Variants in RNF144B observed in about 807,000 individuals in gnomAD.
The protein encoded by RNF144B is ring finger protein 144B, also known as E3 ubiquitin-protein ligase RNF144B.
In RNF144B, 25 loss-of-function variants were observed where a neutral mutation model predicts 40.2. The observed-to-expected ratio is 0.62, with a 90% CI of 0.45 to 0.87. RNF144B has a LOEUF of 0.87. RNF144B is among the 40% of genes least tolerant of loss of function. The probability of loss-of-function intolerance (pLI) is 0.00; values close to 1 mark genes in which losing one functional copy is unlikely to be tolerated. For synonymous variants in RNF144B, 145 were observed against 136.3 expected (o/e 1.06, Z -0.44); for missense variants, 365 against 373.7 (o/e 0.98, Z 0.19).
At chr6:18,396,595 C>A in intron 1 of RNF144B, 1 of 985,302 alleles carries the variant, frequency 1.0e-6, no homozygotes, top group East Asian at 1.1e-4. Flanking sequence ...TTTTCTCCTA[C>A]TCAGGAAGCA....
intron 3 of RNF144B, among the ~76,000 whole-genome samples, chr6:18,431,690 A>T (rs1264359907): frequency 6.6e-6 from 1 of 152,218 alleles, no homozygotes; most frequent in East Asian, 1.9e-4. Flanking sequence ...TCTTGCTGCT[A>T]TTTATATTAC....
chr6:18,422,932 A>G lies in RNF144B; in HGVS notation c.166-4649A>G, dbSNP rs932690899. The stretch of plus-strand genomic sequence containing the variant: ...TAATTGTGCCACTGCACCCTGGGCA[A>G]CAGAGCAAGACCCAGTCTCAAAAAA... On this transcript the variant is annotated intron_variant, in intron 2 of 7. Transcript: ENST00000259939. The surrounding 1 kb of genome is among the most constrained non-coding windows in gnomAD (Gnocchi z 4.7). Among the ~76,000 whole-genome samples the G allele has an allele frequency of 2.1e-5, 3 of 145,966 alleles. No individual in the cohort carries two copies. The highest frequency in any genetic ancestry group is 7.7e-5 in the African/African-American group (3 of 38,928).
At chr6:18,392,217 A>C (rs1329479372) in intron 1 of RNF144B, among the ~76,000 whole-genome samples, 1 of 152,130 alleles carries the variant, frequency 6.6e-6, no homozygotes, top group African/African-American at 2.4e-5. Context: ...CAAAAAAAAA[A>C]CGATGTGCCA....
chr6:18,466,971 T>A lies in RNF144B; in HGVS notation c.*1904T>A, dbSNP rs1759582980. The A allele has an allele frequency of 6.6e-6, 1 of 152,638 alleles. No individual in the cohort carries two copies. Among genetic ancestry groups the A allele is most frequent in the African/African-American group, 2.4e-5 (1 of 41,460 alleles). 9.5% of individuals were successfully genotyped at this position (152,638 alleles called of 1,614,324 possible). On this transcript the variant is annotated 3_prime_UTR_variant, in exon 8 of 8. Transcript: ENST00000259939. Reference sequence around the variant, plus strand: ...TTATTAGAAATTTCTCAATATTGTGTCTTTTTCTTTTGAAACTCTAAACAC... The same window carrying A: ...TTATTAGAAATTTCTCAATATTGTGACTTTTTCTTTTGAAACTCTAAACAC...
At chr6:18,440,682 A>T (rs1303286738) in intron 4 of RNF144B, among the ~76,000 whole-genome samples, 1 of 145,302 alleles carries the variant, frequency 6.9e-6, no homozygotes, top group Non-Finnish European at 1.5e-5. Context: ...CGTACAGAGC[A>T]TGAAGAGGGG....
intron 7 of RNF144B, 143 bp downstream of exon 7, chr6:18,463,523 G>T: frequency 1.6e-6 from 1 of 614,418 alleles, no homozygotes; most frequent in East Asian, 2.8e-5. Flanking sequence ...GGCAGGGCTA[G>T]GGAAAAGTAA....
intron 2 of RNF144B, among the ~76,000 whole-genome samples, chr6:18,415,687 G>T (rs932516635): frequency 6.6e-6 from 1 of 152,086 alleles, no homozygotes; most frequent in Non-Finnish European, 1.5e-5. Context: ...CCTTTGCATG[G>T]TGTAGTTTAA....
At position 18,447,300 on chromosome 6, in the gene RNF144B, G is replaced by A. The variant is rs931817408; in HGVS notation, c.331+7556G>A. 2.6e-5 allele frequency among the ~76,000 whole-genome samples: 4 copies of A among 152,134 alleles called. No homozygotes were observed. Among genetic ancestry groups the A allele is most frequent in the African/African-American group, 9.7e-5 (4 of 41,446 alleles). ...GTAAAGGTACCTACAAAGCCCCTGAGGCAAGAACAAGCCTGGTTTCTGTTT... is the reference window on the plus strand; with the variant it reads ...GTAAAGGTACCTACAAAGCCCCTGAAGCAAGAACAAGCCTGGTTTCTGTTT... On this transcript the variant is annotated intron_variant, in intron 4 of 7. Coordinates refer to ENST00000259939, the MANE Select transcript of RNF144B (RefSeq NM_182757.4). This position sits in a 1 kb window ranked among gnomAD's most constrained non-coding sequence, Gnocchi z 5.6.
intron 2 of RNF144B, among the ~76,000 whole-genome samples, chr6:18,417,914 A>G (rs560270890): frequency 6.6e-6 from 1 of 152,290 alleles, no homozygotes; most frequent in African/African-American, 2.4e-5. Flanking sequence ...TTACAAATAG[A>G]TGAAAGTATA....
chr6:18,426,026 G>A (rs757155592), intron 2 of RNF144B, among the ~76,000 whole-genome samples: 9 of 152,150 alleles, frequency 5.9e-5, no homozygotes, highest in Non-Finnish European at 8.8e-5. Flanking sequence ...GTTTTCTGAA[G>A]TAATATAATA....
chr6:18,442,554 A>G lies in RNF144B; in HGVS notation c.331+2810A>G, dbSNP rs73727438. Among the ~76,000 whole-genome samples the G allele has an allele frequency of 2.2e-3, 331 of 152,330 alleles. No individual in the cohort carries two copies. The highest frequency in any genetic ancestry group is 7.3e-3 in the African/African-American group (302 of 41,576). ...TACTTTTCTTTTTGTTATTAAACAT[A>G]TACCTAACATAAAAGTTGCCATTTA... is the stretch of plus-strand genomic sequence containing the variant. On this transcript the variant is annotated intron_variant, in intron 4 of 7. Coordinates refer to ENST00000259939, the MANE Select transcript of RNF144B (RefSeq NM_182757.4). The surrounding 1 kb of genome is among the most constrained non-coding windows in gnomAD (Gnocchi z 4.3).
intron 1 of RNF144B, 81 bp from the exon 2 acceptor site, chr6:18,399,418 A>G: frequency 2.0e-6 from 2 of 987,380 alleles, no homozygotes. Flanking sequence ...TGAGAATTTG[A>G]TCAGCTGGCC....
At chr6:18,431,094 T>C (rs949993599) in intron 3 of RNF144B, among the ~76,000 whole-genome samples, 1 of 151,814 alleles carries the variant, frequency 6.6e-6, no homozygotes. Context: ...ACAAAAAAAT[T>C]AGCCAGGCAT....
chr6:18,436,699 C>T (rs1370030382), intron 3 of RNF144B, among the ~76,000 whole-genome samples: 1 of 152,110 alleles, frequency 6.6e-6, no homozygotes, highest in African/African-American at 2.4e-5. Flanking sequence ...GTGTAGCAGT[C>T]AATTTTACAG....
Position 18,406,299 on chromosome 6 carries a change from G to A in RNF144B, c.165+6600G>A, listed in dbSNP as rs1426318748. ...ATGATCAGGGAAGTCTCAGTGATAA[G>A]GTGTTATTTGAGCAGAGACCTGAAG... On this transcript the variant is annotated intron_variant, in intron 2 of 7. Transcript: ENST00000259939. This position sits in a 1 kb window ranked among gnomAD's most constrained non-coding sequence, Gnocchi z 4.2. 2.0e-5 allele frequency among the ~76,000 whole-genome samples: 3 copies of A among 152,090 alleles called. No individual in the cohort carries two copies. Among genetic ancestry groups the A allele is most frequent in the Non-Finnish European group, 4.4e-5 (3 of 68,022 alleles).
chr6:18,415,405 A>G (rs1189549467), intron 2 of RNF144B, among the ~76,000 whole-genome samples: 1 of 152,128 alleles, frequency 6.6e-6, no homozygotes, highest in Non-Finnish European at 1.5e-5. Flanking sequence ...ATGGCGTCTT[A>G]CTGTTGCTTC....
rs201426092 is a variant in RNF144B at position 18,425,546 on chromosome 6, C to CTGG, written c.166-2033_166-2032insGTG. On this transcript the variant is annotated intron_variant, in intron 2 of 7. Coordinates refer to ENST00000259939, the MANE Select transcript of RNF144B (RefSeq NM_182757.4). The surrounding 1 kb of genome is among the most constrained non-coding windows in gnomAD (Gnocchi z 4.2). ...TGCTGCTGCTCTCTTCTATGTCCCA[C>CTGG]TGCTGCTGCTGCTGGATACCATGTT... 5.1e-3 allele frequency among the ~76,000 whole-genome samples: 768 copies of CTGG among 151,404 alleles called. 3 individuals carry two copies. The highest frequency in any genetic ancestry group is 0.017 in the Middle Eastern group (5 of 294).
Position 18,457,118 on chromosome 6 carries a change from C to A in RNF144B, c.332-37C>A. The A allele has an allele frequency of 6.9e-7, 1 of 1,446,662 alleles. No homozygotes were observed. The highest frequency in any genetic ancestry group is 1.1e-5 in the South Asian group (1 of 87,718). 89.6% of individuals were successfully genotyped at this position (1,446,662 alleles called of 1,614,324 possible). On this transcript the variant is annotated intron_variant, in intron 4 of 7. Transcript: ENST00000259939. The surrounding 1 kb of genome is among the most constrained non-coding windows in gnomAD (Gnocchi z 5.1). ...AGGTGAGAAAGACTCAAACATGAAT[C>A]GGGCAGACCATCACATTTTCTTTCT...
chr6:18,388,760 T>G (rs1164682738), intron 1 of RNF144B, among the ~76,000 whole-genome samples: 1 of 152,132 alleles, frequency 6.6e-6, no homozygotes, highest in Non-Finnish European at 1.5e-5. Context: ...TCCAAGGTCA[T>G]GGTTTCACAC....
Sources: gnomAD v4.1 joint callset for allele counts (sites outside exome capture counted in the v4.1 genomes callset) on GRCh38, gnomAD v4.1.1 for gene constraint, Gnocchi (gnomAD v3.1) non-coding constraint, MANE v1.5 for transcripts, NCBI Gene and HGNC (gene_info 2026-07-23, HGNC 2026-07-21) for gene names.